The following SP100 variants were observed in gnomAD, a reference collection of about 807,000 sequenced individuals.
The protein encoded by SP100 is SP100 nuclear body protein.
Under a neutral mutation model 130.0 loss-of-function variants are expected in SP100, and 84 were observed. The ratio of observed to expected loss-of-function variants is 0.65; its 90% CI spans 0.54 to 0.77. SP100 has a LOEUF of 0.77. SP100 is among the 30% of genes least tolerant of loss of function. The pLI is 0.00. For missense variants in SP100, 978 were observed against 1,052.2 expected, an observed-to-expected ratio of 0.93 and a Z score of 0.97; for synonymous variants, 331 against 351.7, an observed-to-expected ratio of 0.94 and a Z score of 0.66.
chr2:230,527,642 A>T (rs552205370), intron 24 of SP100, among the ~76,000 whole-genome samples: 1 of 152,338 alleles, frequency 6.6e-6, no homozygotes, highest in Admixed American at 6.5e-5. Context: ...AATTGGATAG[A>T]GTCAAGATCC....
intron 8 of SP100, among the ~76,000 whole-genome samples, chr2:230,453,807 T>G (rs538972305): frequency 1.3e-5 from 2 of 152,172 alleles, no homozygotes; most frequent in South Asian, 4.1e-4. Context: ...TAATGCTGGC[T>G]TCATAAAATG....
At chr2:230,465,201 A>T (rs2064877813) in intron 11 of SP100, among the ~76,000 whole-genome samples, 1 of 151,598 alleles carries the variant, frequency 6.6e-6, no homozygotes, top group Non-Finnish European at 1.5e-5. Context: ...ATACCACTGC[A>T]CTCCAGCCTG....
chr2:230,426,777 TCTGGTTCAAGATCAATGTTTC>T (rs1361142465), intron 2 of SP100, among the ~76,000 whole-genome samples: 6 of 152,220 alleles, frequency 3.9e-5, no homozygotes, highest in Admixed American at 3.9e-4. Flanking sequence ...TGATCTAAAG[TCTGGTTCAAGATCAATGTTTC>T]CTTATATTTT....
At chr2:230,469,227 A>G (rs761547138) in intron 14 of SP100, 131 bp downstream of exon 14, 2 of 637,740 alleles carry the variant, frequency 3.1e-6, no homozygotes, top group Non-Finnish European at 5.4e-6. Context: ...TGCATTTTAC[A>G]TTTTCAATTA....
Position 230,498,537 on chromosome 2 carries a change from TAA to T in SP100, c.1720+14_1720+15del, listed in dbSNP as rs34979917. The T allele has an allele frequency of 0.048, 51,074 of 1,054,524 alleles. 61 individuals are homozygous for T. The highest frequency in any genetic ancestry group is 0.08 in the South Asian group (3,846 of 48,072). The allele number at this position is 1,054,524 out of a possible 1,614,324, so 65.3% of individuals were successfully genotyped here. On this transcript the variant is annotated splice_donor_region_variant and intron_variant, in intron 19 of 28. Transcript: ENST00000340126. ...AAAAGAAAAGATGGCAACAAAGAGG[TAA>T]AAAAAAAAAAATACATTTTAAATAA...
intron 2 of SP100, among the ~76,000 whole-genome samples, chr2:230,437,097 C>T (rs1479540389): frequency 1.3e-5 from 2 of 151,890 alleles, no homozygotes; most frequent in Non-Finnish European, 2.9e-5. Context: ...TTTACTACAA[C>T]ATTTGCTGAT....
chr2:230,502,443 C>G (rs1262962811), intron 19 of SP100, among the ~76,000 whole-genome samples: 5 of 152,140 alleles, frequency 3.3e-5, no homozygotes, highest in Non-Finnish European at 7.4e-5. Flanking sequence ...ATTGTCAACA[C>G]TTTAATTTAT....
At chr2:230,516,279 T>C in intron 24 of SP100, 1 of 164,604 alleles carries the variant, frequency 6.1e-6, no homozygotes, top group Non-Finnish European at 1.3e-5. Context: ...CAGATTATTA[T>C]TGAACTTATG....
At chr2:230,486,724 C>G (rs2066120585) in intron 17 of SP100, among the ~76,000 whole-genome samples, 2 of 152,218 alleles carry the variant, frequency 1.3e-5, no homozygotes, top group African/African-American at 2.4e-5. Context: ...AATGGTATTT[C>G]TGGTTCCAGA....
chr2:230,534,785 G>A (rs1366913898), intron 24 of SP100, among the ~76,000 whole-genome samples: 1 of 152,144 alleles, frequency 6.6e-6, no homozygotes, highest in Non-Finnish European at 1.5e-5. Context: ...TTATTATGTT[G>A]AATTGTTATA....
At chr2:230,502,032 C>CA (rs1553642689) in intron 19 of SP100, among the ~76,000 whole-genome samples, 367 of 135,988 alleles carry the variant, frequency 2.7e-3, no homozygotes, top group Non-Finnish European at 4.0e-3. Flanking sequence ...CCACACCCAG[C>CA]TTTTTTTTTT....
At chr2:230,487,861 T>G (rs958536077) in intron 17 of SP100, among the ~76,000 whole-genome samples, 16 of 152,208 alleles carry the variant, frequency 1.1e-4, no homozygotes, top group Admixed American at 9.8e-4. Context: ...TTTATTTCCT[T>G]GAGCAGTGGT....
Position 230,494,393 on chromosome 2 carries a change from TTTTC to T in SP100, c.1601-15_1601-12del. The T allele has an allele frequency of 6.6e-7, 1 of 1,519,840 alleles. No individual in the cohort carries two copies. The highest frequency in any genetic ancestry group is 9.1e-7 in the Non-Finnish European group (1 of 1,094,594). 94.1% of individuals were successfully genotyped at this position (1,519,840 alleles called of 1,614,324 possible). On this transcript the variant is annotated intron_variant, in intron 17 of 28. Coordinates refer to ENST00000340126, the MANE Select transcript of SP100 (RefSeq NM_001080391.2). ...CTTTGTTTATAGTTCTAAAGGATTA[TTTTC>T]TTTCTTTTCTGTTTGCAGGAAAAAA...
intron 20 of SP100, among the ~76,000 whole-genome samples, chr2:230,503,778 G>C (rs902784699): frequency 3.9e-5 from 6 of 152,184 alleles, no homozygotes; most frequent in Non-Finnish European, 8.8e-5. Flanking sequence ...GTGCCACTCT[G>C]CCATCCTGCC....
intron 12 of SP100, 47 bp from the exon 13 acceptor site, chr2:230,467,073 C>A: frequency 7.7e-7 from 1 of 1,293,162 alleles, no homozygotes; most frequent in South Asian, 1.2e-5. Flanking sequence ...ACTTGGTTCC[C>A]TTATCATACA....
At chr2:230,424,249 A>G (rs888971978) in intron 2 of SP100, among the ~76,000 whole-genome samples, 1 of 152,232 alleles carries the variant, frequency 6.6e-6, no homozygotes, top group African/African-American at 2.4e-5. Context: ...ATTGCAGAGC[A>G]AAAGCAAATA....
At chr2:230,417,819 C>CT (rs35969967) in intron 2 of SP100, among the ~76,000 whole-genome samples, 154 bp downstream of exon 2, 56,577 of 151,922 alleles carry the variant, frequency 0.37, 10,759 homozygotes, top group African/African-American at 0.41. Context: ...GGTGTTTGTC[C>CT]TTTTTTTCGT....
intron 18 of SP100, among the ~76,000 whole-genome samples, chr2:230,497,544 G>GAGGAAAGGAAAGGAAAGGAAAGGAA (rs1231660014): frequency 5.0e-3 from 96 of 19,298 alleles, no homozygotes; most frequent in South Asian, 0.011. Flanking sequence ...GAGGAGAGGA[G>GAGGAAAGGAAAGGAAAGGAAAGGAA]AGGAAAGGAA....
intron 24 of SP100, among the ~76,000 whole-genome samples, chr2:230,519,415 T>G (rs752348237): frequency 3.9e-5 from 6 of 152,238 alleles, no homozygotes; most frequent in Non-Finnish European, 5.9e-5. Flanking sequence ...TTGTTTCATT[T>G]TCATTCTTTA....
Sources: allele counts gnomAD v4.1 joint callset (sites outside exome capture counted in the v4.1 genomes callset), GRCh38; gene constraint gnomAD v4.1.1; transcripts MANE v1.5; gene names NCBI Gene and HGNC (gene_info 2026-07-23, HGNC 2026-07-21).